DIS3L2: variants seen among roughly 807,000 people sequenced by gnomAD.
The protein encoded by DIS3L2 is DIS3-like exonuclease 2.
In DIS3L2, 34 loss-of-function variants were observed where a neutral mutation model predicts 97.5. The ratio of observed to expected loss-of-function variants is 0.35; its 90% CI spans 0.27 to 0.46. DIS3L2 has a LOEUF of 0.46. Ranked by LOEUF, DIS3L2 falls within the 20% of genes least tolerant of loss-of-function variation. The probability of loss-of-function intolerance (pLI) is 1.00; values close to 1 mark genes in which losing one functional copy is unlikely to be tolerated. For synonymous variants in DIS3L2, 435 were observed against 445.2 expected, an observed-to-expected ratio of 0.98 and a Z score of 0.29; for missense variants, 1,038 against 1,146.0, an observed-to-expected ratio of 0.91 and a Z score of 1.36.
chr2:232,034,011 T>C (rs1694884492), intron 5 of DIS3L2, among the ~76,000 whole-genome samples: 1 of 152,194 alleles, frequency 6.6e-6, no homozygotes, highest in Non-Finnish European at 1.5e-5. Context: ...GTCTCTCTTT[T>C]TCTGTTGTAT....
chr2:232,273,371 G>A (rs541734903), intron 13 of DIS3L2, among the ~76,000 whole-genome samples: 47 of 152,226 alleles, frequency 3.1e-4, no homozygotes, highest in African/African-American at 1.1e-3. Flanking sequence ...GCATTTCAAG[G>A]TCTTTAAACA....
At chr2:232,290,085 C>G (rs911704504) in intron 13 of DIS3L2, among the ~76,000 whole-genome samples, 2 of 152,212 alleles carry the variant, frequency 1.3e-5, no homozygotes, top group Non-Finnish European at 2.9e-5. Context: ...TGGCCTGAGG[C>G]CCCTGAGCTC....
intron 13 of DIS3L2, among the ~76,000 whole-genome samples, chr2:232,265,031 A>G (rs1247547206): frequency 1.3e-5 from 2 of 152,244 alleles, no homozygotes; most frequent in African/African-American, 4.8e-5. Flanking sequence ...GGCATAGGGG[A>G]TTACAGAATA....
intron 7 of DIS3L2, among the ~76,000 whole-genome samples, chr2:232,134,378 C>G (rs1698300720): frequency 6.6e-6 from 1 of 152,148 alleles, no homozygotes; most frequent in South Asian, 2.1e-4. Context: ...ATTGTAATTT[C>G]TTTTCTGATC....
chr2:232,252,161 A>G (rs1386436568), intron 12 of DIS3L2, among the ~76,000 whole-genome samples: 2 of 152,192 alleles, frequency 1.3e-5, no homozygotes, highest in African/African-American at 2.4e-5. Flanking sequence ...TTATCCTAGC[A>G]CTTTGGCAGG....
At chr2:232,119,826 A>G (rs1697839439) in intron 6 of DIS3L2, among the ~76,000 whole-genome samples, 1 of 152,210 alleles carries the variant, frequency 6.6e-6, no homozygotes, top group African/African-American at 2.4e-5. Context: ...TGGCCAGCTT[A>G]AAGAGGAGGG....
intron 9 of DIS3L2, among the ~76,000 whole-genome samples, chr2:232,177,125 G>C (rs1194535107): frequency 6.8e-6 from 1 of 147,028 alleles, no homozygotes; most frequent in East Asian, 2.0e-4. Context: ...TCCCTACAAA[G>C]GACATAAACT....
At chr2:232,015,386 TCAC>T in intron 2 of DIS3L2, 125 bp from the exon 3 acceptor site, 1 of 1,240,216 alleles carries the variant, frequency 8.1e-7, no homozygotes, top group Non-Finnish European at 1.1e-6. Flanking sequence ...TTGTTAAAAA[TCAC>T]CATCAGGGAG....
At chr2:232,087,382 A>G (rs1324510249) in intron 5 of DIS3L2, 105 bp from the exon 6 acceptor site, 1 of 790,764 alleles carries the variant, frequency 1.3e-6, no homozygotes, top group African/African-American at 1.8e-5. Flanking sequence ...AGTGTCCAAT[A>G]CCGTTAGCTT....
intron 10 of DIS3L2, among the ~76,000 whole-genome samples, chr2:232,222,992 C>G (rs1692545073): frequency 6.6e-6 from 1 of 152,208 alleles, no homozygotes; most frequent in Non-Finnish European, 1.5e-5. Flanking sequence ...ATGTTCCATT[C>G]AAATCTTGCT....
intron 11 of DIS3L2, among the ~76,000 whole-genome samples, chr2:232,241,038 G>A (rs1276868677): frequency 7.2e-5 from 11 of 152,192 alleles, no homozygotes; most frequent in Non-Finnish European, 1.6e-4. Context: ...GGAAGGGCCC[G>A]CACGCCTCTG....
rs374482102 is a variant in DIS3L2, at chr2:232,329,949, G to A, written c.1876G>A (p.Asp626Asn). 25 of 1,612,928 alleles carry A rather than the reference G, an allele frequency of 1.5e-5. No homozygotes were observed. The highest frequency in any genetic ancestry group is 1.6e-4 in the Middle Eastern group (1 of 6,078). The change falls in exon 15 of 21, where the codon GAC (aspartate) becomes AAC (asparagine). Residue 626 changes from aspartate (D) to asparagine (N), a missense_variant. Transcript: ENST00000325385. ...GCTCAGTGACCTGGTGGAATTCTGC[G>A]ACCAGATGGGGCTGCCCGTGGACTT... is the stretch of plus-strand genomic sequence containing the variant. ...RMLSDLVEFC[D>N]QMGLPVDFSS...
intron 9 of DIS3L2, among the ~76,000 whole-genome samples, chr2:232,164,039 A>C (rs1690733982): frequency 6.6e-6 from 1 of 152,222 alleles, no homozygotes; most frequent in African/African-American, 2.4e-5. Context: ...TATGGCCTGC[A>C]AAGCCAAAAG....
At chr2:232,114,118 A>G (rs1697626658) in intron 6 of DIS3L2, among the ~76,000 whole-genome samples, 1 of 152,082 alleles carries the variant, frequency 6.6e-6, no homozygotes, top group Non-Finnish European at 1.5e-5. Context: ...TTGACTCACT[A>G]TTCCCTTACC....
rs981234935 is a variant in DIS3L2 at position 232,087,983 on chromosome 2, C to T, written c.601+262C>T. 4.7e-5 allele frequency: 20 copies of T among 428,264 alleles called. No individual in the cohort carries two copies. The South Asian group carries it at 5.2e-4, about 11-fold the overall frequency. The allele number at this position is 428,264 out of a possible 1,614,324, so 26.5% of individuals were successfully genotyped here. A position where few individuals can be genotyped will look rare whatever the true frequency, so the allele number is the denominator to read the frequency against. ...AGGCTTGAGCTGTGTTGCTGGTTAACGTTGACATCTCTTGCGATAGGCGCA... is the reference window on the plus strand; with the variant it reads ...AGGCTTGAGCTGTGTTGCTGGTTAATGTTGACATCTCTTGCGATAGGCGCA... On this transcript the variant is annotated intron_variant, in intron 6 of 20. Coordinates refer to ENST00000325385, the MANE Select transcript of DIS3L2 (RefSeq NM_152383.5).
chr2:232,049,612 A>G (rs1695345204), intron 5 of DIS3L2, among the ~76,000 whole-genome samples: 1 of 152,192 alleles, frequency 6.6e-6, no homozygotes, highest in African/African-American at 2.4e-5. Context: ...AACTGGGGAG[A>G]CAGTCTGGAC....
rs749719015 is a variant in DIS3L2 at position 232,014,971 on chromosome 2, C to A, written c.44C>A (p.Thr15Asn). Residue 15 changes from threonine (T) to asparagine (N), a missense_variant, in exon 2 of 21, where the codon ACC (threonine) becomes AAC (asparagine). By Grantham distance (65) the Thr-to-Asn change is moderately conservative (BLOSUM62 0). Around this residue, in one of 3 missense-constraint regions of DIS3L2, gnomAD observed 813 missense variants for 880.1 expected, o/e 0.92. Coordinates refer to ENST00000325385, the MANE Select transcript of DIS3L2 (RefSeq NM_152383.5). ...DYRMNLRPLG[T>N]PRGVSAVAGP... ...AGAATGAACCTCCGGCCCCTGGGGACCCCCAGAGGTAGTAAAAGGAAAATG... is the reference window on the plus strand; with the variant it reads ...AGAATGAACCTCCGGCCCCTGGGGAACCCCAGAGGTAGTAAAAGGAAAATG... The A allele has an allele frequency of 2.5e-6, 4 of 1,613,808 alleles. No individual in the cohort carries two copies. The highest frequency in any genetic ancestry group is 2.2e-5 in the South Asian group (2 of 91,046).
intron 1 of DIS3L2, among the ~76,000 whole-genome samples, chr2:231,971,917 T>C (rs1178741240): frequency 1.4e-5 from 2 of 144,848 alleles, no homozygotes; most frequent in Non-Finnish European, 3.0e-5. Flanking sequence ...CCAGGCACGG[T>C]GGCTCACGCC....
At chr2:232,322,857 G>A (rs1695474697) in intron 14 of DIS3L2, among the ~76,000 whole-genome samples, 1 of 152,170 alleles carries the variant, frequency 6.6e-6, no homozygotes, top group Non-Finnish European at 1.5e-5. Flanking sequence ...AACCGAAGTC[G>A]ATGCCTTCTT....
Sources: allele counts gnomAD v4.1 joint callset (sites outside exome capture counted in the v4.1 genomes callset), GRCh38; gene constraint gnomAD v4.1.1; regional missense constraint gnomAD v4.1.1; transcripts MANE v1.5; gene names NCBI Gene and HGNC (gene_info 2026-07-23, HGNC 2026-07-21).